Variants in RAB35 observed in about 807,000 individuals in gnomAD.
RAB35 encodes the protein RAB35, member RAS oncogene family.
In RAB35, 4 loss-of-function variants were observed where a neutral mutation model predicts 28.9. That is an observed-to-expected ratio of 0.14 (90% CI 0.07 to 0.32). The LOEUF is 0.32. Ranked by LOEUF, RAB35 falls within the 10% of genes least tolerant of loss-of-function variation. The pLI is 1.00. For synonymous variants in RAB35, 99 were observed against 105.1 expected (o/e 0.94, Z 0.35); for missense variants, 128 against 274.0 (o/e 0.47, Z 3.76).
In RAB35 at chr12:120,098,319, C is replaced by T. The variant is rs145823309; in HGVS notation, c.477+492G>A. On this transcript the variant is annotated intron_variant, in intron 5 of 5. Transcript: ENST00000229340. ...GGTGAAGTCACCGCCCAAGGTCATA[C>T]CAGCCTTGCCCACAGGCCCAGGTGG... is the stretch of plus-strand genomic sequence containing the variant. 9.2e-5 allele frequency among the ~76,000 whole-genome samples: 14 copies of T among 152,378 alleles called. No homozygotes were observed. In the East Asian group the frequency reaches 2.7e-3, roughly 29 times the overall value.
chr12:120,110,975 T>C (rs1306522211), intron 1 of RAB35, among the ~76,000 whole-genome samples: 4 of 150,708 alleles, frequency 2.7e-5, no homozygotes, highest in Non-Finnish European at 6.0e-5. Context: ...CCTCGCCGCC[T>C]CCTCTGCTTC....
rs780816526 is a variant in RAB35 at position 120,096,954 on chromosome 12, C to T, written c.*291G>A. On this transcript the variant is annotated 3_prime_UTR_variant, in exon 6 of 6. Transcript: ENST00000229340. ...GTGCGGCCGGGTAGAGCAATATACA[C>T]TATGTACAGACTCTGCGAATCAGTC... 4.2e-5 allele frequency: 59 copies of T among 1,415,234 alleles called. No individual in the cohort carries two copies. Among genetic ancestry groups the T allele is most frequent in the Non-Finnish European group, 5.1e-5 (55 of 1,070,630 alleles). The allele number at this position is 1,415,234 out of a possible 1,614,324, so 87.7% of individuals were successfully genotyped here. A position where few individuals can be genotyped will look rare whatever the true frequency, so the allele number is the denominator to read the frequency against.
intron 1 of RAB35, among the ~76,000 whole-genome samples, chr12:120,115,812 G>A (rs1876306986): frequency 6.6e-6 from 1 of 152,136 alleles, no homozygotes. Flanking sequence ...TCTGTATATA[G>A]TAGTGTAACA....
At chr12:120,115,623 C>T (rs1367510646) in intron 1 of RAB35, among the ~76,000 whole-genome samples, 1 of 152,210 alleles carries the variant, frequency 6.6e-6, no homozygotes, top group African/African-American at 2.4e-5. Context: ...TCTACCTTTT[C>T]GAAGGACACT....
intron 1 of RAB35, 50 bp downstream of exon 1, chr12:120,116,548 CG>C: frequency 9.8e-7 from 1 of 1,023,124 alleles, no homozygotes; most frequent in Non-Finnish European, 1.2e-6. Flanking sequence ...GAGGCCCCCG[CG>C]GGCCGCGCCC....
Position 120,116,709 on chromosome 12 carries a change from G to C in RAB35, c.-59C>G. ...GTCGGTACTGGCCTCGCGATCCGCA[G>C]CTCCCTTCGGGCTGCTCCGGCAGCG... is the stretch of plus-strand genomic sequence containing the variant. On this transcript the variant is annotated 5_prime_UTR_variant, in exon 1 of 6. Coordinates refer to ENST00000229340, the MANE Select transcript of RAB35 (RefSeq NM_006861.7). 8.2e-7 allele frequency: 1 copy of C among 1,217,366 alleles called. No individual in the cohort carries two copies. Among genetic ancestry groups the C allele is most frequent in the Non-Finnish European group, 1.0e-6 (1 of 978,350 alleles). 75.4% of individuals were successfully genotyped at this position (1,217,366 alleles called of 1,614,324 possible).
intron 2 of RAB35, among the ~76,000 whole-genome samples, chr12:120,106,468 G>C (rs1401122438): frequency 2.6e-5 from 4 of 152,070 alleles, no homozygotes; most frequent in African/African-American, 9.7e-5. Context: ...AGGTCACACA[G>C]AGCAGCCATC....
At position 120,096,862 on chromosome 12, in the gene RAB35, G is replaced by A; in HGVS notation, c.*383C>T. 2 of 1,301,658 alleles carry A rather than the reference G, an allele frequency of 1.5e-6. No homozygotes were observed. Among genetic ancestry groups the A allele is most frequent in the Non-Finnish European group, 1.0e-6 (1 of 996,906 alleles). 80.6% of individuals were successfully genotyped at this position (1,301,658 alleles called of 1,614,324 possible). ...TGCTTGCAGTAAGATGGGCTGGGGA[G>A]GGGCGCGGGGAGGGTCTGTTGCAGC... On this transcript the variant is annotated 3_prime_UTR_variant, in exon 6 of 6. Coordinates refer to ENST00000229340, the MANE Select transcript of RAB35 (RefSeq NM_006861.7).
chr12:120,108,028 AC>A (rs1339132462), intron 2 of RAB35, among the ~76,000 whole-genome samples: 1 of 152,146 alleles, frequency 6.6e-6, no homozygotes, highest in African/African-American at 2.4e-5. Context: ...CAGATGAACC[AC>A]AAAGGCCTGC....
intron 1 of RAB35, among the ~76,000 whole-genome samples, chr12:120,109,618 T>C (rs1342130823): frequency 6.6e-6 from 1 of 151,976 alleles, no homozygotes; most frequent in Admixed American, 6.6e-5. Context: ...CTAATTTTTT[T>C]ATTTTTAGTA....
chr12:120,098,086 A>G (rs1025226738), intron 5 of RAB35, among the ~76,000 whole-genome samples: 2 of 151,980 alleles, frequency 1.3e-5, no homozygotes, highest in Non-Finnish European at 2.9e-5. Context: ...GGGTTCCACC[A>G]TGTTAGCCAG....
intron 5 of RAB35, 111 bp from the exon 6 acceptor site, chr12:120,097,484 T>C: frequency 1.2e-6 from 1 of 805,944 alleles, no homozygotes. Context: ...ACCTGTGCAT[T>C]TTTGGTATGT....
At chr12:120,106,646 C>G (rs1381548279) in intron 2 of RAB35, among the ~76,000 whole-genome samples, 2 of 140,094 alleles carry the variant, frequency 1.4e-5, no homozygotes, top group Non-Finnish European at 3.0e-5. Flanking sequence ...GGCTGGAGTG[C>G]TGTGACAAGA....
At position 120,095,790 on chromosome 12, in the gene RAB35, T is replaced by C. The variant is rs1008931371; in HGVS notation, c.*1455A>G. On this transcript the variant is annotated 3_prime_UTR_variant, in exon 6 of 6. Coordinates refer to ENST00000229340, the MANE Select transcript of RAB35 (RefSeq NM_006861.7). Reference sequence around the variant, plus strand: ...TTGATTAAAAACCCATCCACAGTGCTAACATGGAAACTGCAGTGTGATCTG... The same window carrying C: ...TTGATTAAAAACCCATCCACAGTGCCAACATGGAAACTGCAGTGTGATCTG... 7 of 152,364 alleles carry C rather than the reference T, an allele frequency of 4.6e-5. No homozygotes were observed. The highest frequency in any genetic ancestry group is 1.0e-4 in the Non-Finnish European group (7 of 68,176). The allele number at this position is 152,364 out of a possible 1,614,324, so 9.4% of individuals were successfully genotyped here.
intron 2 of RAB35, 74 bp downstream of exon 2, chr12:120,108,343 G>A (rs1875974031): frequency 6.9e-7 from 1 of 1,452,568 alleles, no homozygotes; most frequent in Non-Finnish European, 9.6e-7. Context: ...AGGCAACTCT[G>A]TTTGGTGCCA....
intron 5 of RAB35, among the ~76,000 whole-genome samples, chr12:120,097,682 G>C (rs1394513659): frequency 6.6e-6 from 1 of 152,162 alleles, no homozygotes; most frequent in Admixed American, 6.5e-5. Context: ...AGGAGATCGA[G>C]ACTACAGTGG....
Position 120,103,983 on chromosome 12 carries a change from C to G in RAB35, c.104-34G>C, listed in dbSNP as rs758336067. 1 of 1,610,398 alleles carries G rather than the reference C, an allele frequency of 6.2e-7. No homozygotes were observed. Among genetic ancestry groups the G allele is most frequent in the Non-Finnish European group, 8.5e-7 (1 of 1,178,254 alleles). On this transcript the variant is annotated intron_variant, in intron 2 of 5. Coordinates refer to ENST00000229340, the MANE Select transcript of RAB35 (RefSeq NM_006861.7). This position sits in a 1 kb window ranked among gnomAD's most constrained non-coding sequence, Gnocchi z 6.1. ...ACAGGGCAGTTAACGAGGCCCAGCG[C>G]GGTATCTTCCCAGGCCCTGAGCCCC...
In RAB35 at chr12:120,103,976, C is replaced by T. The variant is rs1295098064; in HGVS notation, c.104-27G>A. On this transcript the variant is annotated intron_variant, in intron 2 of 5. Coordinates refer to ENST00000229340, the MANE Select transcript of RAB35 (RefSeq NM_006861.7). The surrounding 1 kb of genome is among the most constrained non-coding windows in gnomAD (Gnocchi z 6.1). ...TGCACACACAGGGCAGTTAACGAGG[C>T]CCAGCGCGGTATCTTCCCAGGCCCT... 4 of 1,611,772 alleles carry T rather than the reference C, an allele frequency of 2.5e-6. No homozygotes were observed. The highest frequency in any genetic ancestry group is 1.3e-5 in the African/African-American group (1 of 74,902).
At chr12:120,109,955 G>A (rs1876047910) in intron 1 of RAB35, among the ~76,000 whole-genome samples, 1 of 152,170 alleles carries the variant, frequency 6.6e-6, no homozygotes, top group African/African-American at 2.4e-5. Context: ...TGTGTGTGGT[G>A]AGCCCTTGGA....
Sources: allele counts gnomAD v4.1 joint callset (sites outside exome capture counted in the v4.1 genomes callset), GRCh38; gene constraint gnomAD v4.1.1; non-coding constraint Gnocchi (gnomAD v3.1); transcripts MANE v1.5; gene names NCBI Gene and HGNC (gene_info 2026-07-23, HGNC 2026-07-21).